MYL12B: variants seen among roughly 807,000 people sequenced by gnomAD.
MYL12B encodes the protein myosin regulatory light chain 12B.
Under a neutral mutation model 12.9 loss-of-function variants are expected in MYL12B, and 3 were observed. The observed-to-expected ratio is 0.23, with a 90% CI of 0.11 to 0.60. MYL12B has a LOEUF of 0.60. Among genes scored for constraint, MYL12B ranks in the 20% least tolerant of loss-of-function variants. The pLI is 0.89. For missense variants in MYL12B, 120 were observed against 215.4 expected, an observed-to-expected ratio of 0.56 and a Z score of 2.77; for synonymous variants, 57 against 71.9, an observed-to-expected ratio of 0.79 and a Z score of 1.05.
intron 1 of MYL12B, among the ~76,000 whole-genome samples, chr18:3,265,089 T>C (rs909315703): frequency 6.6e-6 from 1 of 152,136 alleles, no homozygotes; most frequent in African/African-American, 2.4e-5. Flanking sequence ...TTAAAATACA[T>C]ATAGAGTACT....
intron 1 of MYL12B, chr18:3,272,176 A>G (rs2081684374): frequency 1.2e-6 from 1 of 838,458 alleles, no homozygotes; most frequent in Non-Finnish European, 1.3e-6. Flanking sequence ...TTTTTTGAAC[A>G]TGACTAGTCT....
chr18:3,265,385 C>T (rs565613112), intron 1 of MYL12B, among the ~76,000 whole-genome samples: 1 of 152,232 alleles, frequency 6.6e-6, no homozygotes, highest in Non-Finnish European at 1.5e-5. Flanking sequence ...CCATAAGAAT[C>T]CATGAGAAAT....
intron 1 of MYL12B, chr18:3,263,284 A>C (rs1270851747): frequency 6.6e-6 from 1 of 152,264 alleles, no homozygotes; most frequent in African/African-American, 2.4e-5. Flanking sequence ...GCTTTAGTTT[A>C]AGGTAGATTT....
intron 1 of MYL12B, among the ~76,000 whole-genome samples, chr18:3,269,369 T>A (rs550306511): frequency 6.6e-6 from 1 of 152,128 alleles, no homozygotes; most frequent in Admixed American, 6.5e-5. Flanking sequence ...GGATCCAGTT[T>A]AGGGTGATGA....
chr18:3,278,293 TAAAC>T lies in MYL12B; in HGVS notation c.*360_*363del, dbSNP rs2081750849. ...ACTCAAATGCAATGTAATGGCAAGT[TAAAC>T]AAATGATTGATAGGTGGGGGTAGTC... On this transcript the variant is annotated 3_prime_UTR_variant, in exon 4 of 4. Coordinates refer to ENST00000237500, the MANE Select transcript of MYL12B (RefSeq NM_033546.4). 1.7e-5 allele frequency: 3 copies of T among 180,830 alleles called. No individual in the cohort carries two copies. Among genetic ancestry groups the T allele is most frequent in the South Asian group, 2.3e-4 (2 of 8,578 alleles). 11.2% of individuals were successfully genotyped at this position (180,830 alleles called of 1,614,324 possible).
chr18:3,274,974 C>CA (rs2081716668), intron 2 of MYL12B, among the ~76,000 whole-genome samples: 1 of 152,078 alleles, frequency 6.6e-6, no homozygotes, highest in African/African-American at 2.4e-5. Context: ...TATATACCCC[C>CA]AAAAAAGGAA....
chr18:3,276,919 CAAAAAAA>C lies in MYL12B; in HGVS notation c.185-319_185-313del, dbSNP rs10706387. On this transcript the variant is annotated intron_variant, in intron 2 of 3. Coordinates refer to ENST00000237500, the MANE Select transcript of MYL12B (RefSeq NM_033546.4). Reference sequence around the variant, plus strand: ...GGCATGGTGGCACATGCCTATAGTCCAAAAAAAAAAAAAAAAAAAAATTAAGATGTAA... The same window carrying C: ...GGCATGGTGGCACATGCCTATAGTCCAAAAAAAAAAAAAATTAAGATGTAA... 2.2e-5 allele frequency: 19 copies of C among 856,708 alleles called. No homozygotes were observed. The South Asian group carries it at 2.7e-4, about 12-fold the overall frequency. 53.1% of individuals were successfully genotyped at this position (856,708 alleles called of 1,614,324 possible).
chr18:3,273,014 A>G lies in MYL12B; in HGVS notation c.116A>G (p.Asn39Ser). 1 of 1,613,642 alleles carries G rather than the reference A, an allele frequency of 6.2e-7. No homozygotes were observed. The highest frequency in any genetic ancestry group is 8.5e-7 in the Non-Finnish European group (1 of 1,179,734). ...ATTCAGGAGTTCAAAGAGGCCTTCA[A>G]CATGATTGATCAGAACAGAGATGGC... ...SQIQEFKEAFNMIDQNRDGFI... is the reference protein window; with the variant it reads ...SQIQEFKEAFSMIDQNRDGFI... The change falls in exon 2 of 4, where the codon AAC (asparagine) becomes AGC (serine). Residue 39 changes from asparagine to serine, a missense_variant. By Grantham distance (46) the Asn-to-Ser change is conservative. Coordinates refer to ENST00000237500, the MANE Select transcript of MYL12B (RefSeq NM_033546.4).
chr18:3,273,162 C>G (rs2081696209), intron 2 of MYL12B, 80 bp downstream of exon 2: 8 of 1,409,600 alleles, frequency 5.7e-6, no homozygotes, highest in Non-Finnish European at 7.6e-6. Flanking sequence ...GTGCGATGTA[C>G]AAATATTTCT....
At chr18:3,267,398 G>A (rs1338158288) in intron 1 of MYL12B, among the ~76,000 whole-genome samples, 1 of 152,200 alleles carries the variant, frequency 6.6e-6, no homozygotes, top group Non-Finnish European at 1.5e-5. Context: ...GAAGTATATA[G>A]ACAATTTCTG....
chr18:3,270,009 G>A (rs898507073), intron 1 of MYL12B, among the ~76,000 whole-genome samples: 2 of 152,198 alleles, frequency 1.3e-5, no homozygotes, highest in African/African-American at 4.8e-5. Flanking sequence ...AGAAAAGAGG[G>A]ATAAAATAGT....
rs1190464509 is a variant in MYL12B at position 3,277,406 on chromosome 18, A to C, written c.338A>C (p.Glu113Ala). ...AACGCCTTTGCTTGCTTTGATGAAGAAGCAACAGGTGAGTGCTATTTGTTT... is the reference window on the plus strand; with the variant it reads ...AACGCCTTTGCTTGCTTTGATGAAGCAGCAACAGGTGAGTGCTATTTGTTT... ...IRNAFACFDEEATGTIQEDYL... is the reference protein window; with the variant it reads ...IRNAFACFDEAATGTIQEDYL... Residue 113 changes from glutamate to alanine, a missense_variant, in exon 3 of 4, where the codon GAA becomes GCA. By Grantham distance (107) the Glu-to-Ala change is moderately radical (BLOSUM62 -1). Transcript: ENST00000237500. 1 of 1,614,094 alleles carries C rather than the reference A, an allele frequency of 6.2e-7. No homozygotes were observed. The highest frequency in any genetic ancestry group is 1.7e-5 in the Admixed American group (1 of 59,994).
chr18:3,271,957 C>A, intron 1 of MYL12B: 1 of 576,662 alleles, frequency 1.7e-6, no homozygotes, highest in Non-Finnish European at 2.2e-6. Flanking sequence ...GTAATCCCAG[C>A]AGTTTGGGAG....
chr18:3,277,617 T>A (rs988804291), intron 3 of MYL12B, 148 bp from the exon 4 acceptor site: 49 of 1,240,690 alleles, frequency 3.9e-5, no homozygotes, highest in Non-Finnish European at 3.5e-5. Flanking sequence ...CATAATGATA[T>A]AGTTCATATA....
chr18:3,273,933 T>C (rs2081705871), intron 2 of MYL12B, among the ~76,000 whole-genome samples: 1 of 152,036 alleles, frequency 6.6e-6, no homozygotes, highest in South Asian at 2.1e-4. Context: ...TTATTTCTCC[T>C]AACACATTGA....
intron 2 of MYL12B, among the ~76,000 whole-genome samples, chr18:3,276,745 T>C (rs1426651031): frequency 6.6e-6 from 1 of 152,088 alleles, no homozygotes; most frequent in African/African-American, 2.4e-5. Flanking sequence ...TTATCAACAT[T>C]CAGGATGTAG....
At chr18:3,271,990 G>A in intron 1 of MYL12B, 1 of 908,860 alleles carries the variant, frequency 1.1e-6, no homozygotes, top group Non-Finnish European at 1.3e-6. Flanking sequence ...CAGAGTTCAA[G>A]ATCAGACTGG....
At chr18:3,276,686 T>C in intron 2 of MYL12B, 1 of 506,566 alleles carries the variant, frequency 2.0e-6, no homozygotes, top group Non-Finnish European at 2.5e-6. Context: ...AATATTTAGA[T>C]TTTTTTGTAT....
At chr18:3,269,497 T>C (rs1381931656) in intron 1 of MYL12B, among the ~76,000 whole-genome samples, 1 of 152,026 alleles carries the variant, frequency 6.6e-6, no homozygotes, top group African/African-American at 2.4e-5. Flanking sequence ...GGGTAGATGA[T>C]TGGAAACAAA....
Sources: gnomAD v4.1 joint callset for allele counts (sites outside exome capture counted in the v4.1 genomes callset) on GRCh38, gnomAD v4.1.1 for gene constraint, MANE v1.5 for transcripts, NCBI Gene and HGNC (gene_info 2026-07-23, HGNC 2026-07-21) for gene names.